Variants in HHLA1 observed in about 807,000 individuals in gnomAD.
The protein encoded by HHLA1 is HERV-H LTR-associating protein 1.
Under a neutral mutation model 69.9 loss-of-function variants are expected in HHLA1, and 72 were observed. That is an observed-to-expected ratio of 1.03 (90% CI 0.85 to 1.25). The LOEUF (loss-of-function observed/expected upper bound fraction) is 1.25. Among genes scored for constraint, HHLA1 ranks in the 50% most tolerant of loss-of-function variants. The probability of loss-of-function intolerance (pLI) is 0.00; values close to 1 mark genes in which losing one functional copy is unlikely to be tolerated. For missense variants in HHLA1, 685 were observed against 642.2 expected (o/e 1.07, Z -0.72); for synonymous variants, 252 against 233.2 (o/e 1.08, Z -0.73).
intron 13 of HHLA1, 55 bp from the exon 14 acceptor site, chr8:132,076,184 T>C: frequency 8.3e-7 from 1 of 1,201,036 alleles, no homozygotes; most frequent in Non-Finnish European, 1.2e-6. Flanking sequence ...CCTTAGGTGA[T>C]ACACACAGCA....
rs1210637851 is a variant in HHLA1 at position 132,095,761 on chromosome 8, C to G, written c.306G>C (p.Leu102=). Residue 102 remains leucine, a synonymous_variant, in exon 6 of 17, where the codon CTG becomes CTC. Coordinates refer to ENST00000414222, the MANE Select transcript of HHLA1 (RefSeq NM_001145095.3). ...LKDSKKFFSL[L]SVTSYSSFAF... ...CGAAGGAACTGTAGGAAGTGACACT[C>G]AGCAAGGAGAAGAACTTCTTGCTAT... 6.4e-7 allele frequency: 1 copy of G among 1,551,100 alleles called. No homozygotes were observed. Among genetic ancestry groups the G allele is most frequent in the Admixed American group, 2.0e-5 (1 of 50,922 alleles).
intron 11 of HHLA1, among the ~76,000 whole-genome samples, chr8:132,079,062 C>T (rs1188554151): frequency 6.6e-5 from 10 of 152,212 alleles, no homozygotes; most frequent in African/African-American, 2.2e-4. Flanking sequence ...AATGCTATCC[C>T]TAATGAGCTA....
intron 1 of HHLA1, among the ~76,000 whole-genome samples, chr8:132,109,094 G>A (rs538164582): frequency 5.9e-5 from 9 of 152,246 alleles, no homozygotes; most frequent in East Asian, 1.9e-4. Flanking sequence ...TGCAACCTCC[G>A]CCTCCTGGGT....
At chr8:132,110,507 G>A (rs1010392549) in intron 1 of HHLA1, among the ~76,000 whole-genome samples, 1 of 152,186 alleles carries the variant, frequency 6.6e-6, no homozygotes, top group Admixed American at 6.5e-5. Flanking sequence ...CATCTGATGT[G>A]CTAGGAGTTT....
intron 3 of HHLA1, among the ~76,000 whole-genome samples, chr8:132,101,654 A>G (rs34960439): frequency 0.029 from 4,338 of 151,650 alleles, 89 homozygotes; most frequent in South Asian, 0.062. Flanking sequence ...TCTCACTGCA[A>G]CCTCTGTCTC....
At chr8:132,110,383 C>T (rs1295847645) in intron 1 of HHLA1, among the ~76,000 whole-genome samples, 2 of 152,174 alleles carry the variant, frequency 1.3e-5, no homozygotes, top group Non-Finnish European at 2.9e-5. Flanking sequence ...CCCTGGACTT[C>T]AAACTTAGGT....
chr8:132,098,783 A>G (rs941928601), intron 5 of HHLA1, 99 bp downstream of exon 5: 11 of 706,038 alleles, frequency 1.6e-5, no homozygotes, highest in Non-Finnish European at 2.6e-5. Flanking sequence ...ACTGACACAC[A>G]GAAGTGAAGT....
At chr8:132,077,489 C>T (rs910980912) in intron 12 of HHLA1, among the ~76,000 whole-genome samples, 15 of 151,324 alleles carry the variant, frequency 9.9e-5, no homozygotes, top group South Asian at 2.1e-4. Context: ...TTGGGGAGTG[C>T]GATTACATAA....
intron 7 of HHLA1, among the ~76,000 whole-genome samples, chr8:132,093,516 T>A (rs944330936): frequency 1.3e-5 from 2 of 152,206 alleles, no homozygotes; most frequent in African/African-American, 4.8e-5. Flanking sequence ...AACGGCAAGT[T>A]GTTGGCCTAC....
intron 14 of HHLA1, 115 bp from the exon 15 acceptor site, chr8:132,071,608 G>T (rs1168543369): frequency 4.4e-6 from 4 of 918,062 alleles, no homozygotes; most frequent in Non-Finnish European, 6.6e-6. Flanking sequence ...GTAGCTCTGA[G>T]ACAGACAGGT....
intron 10 of HHLA1, among the ~76,000 whole-genome samples, chr8:132,087,019 C>T (rs1158084264): frequency 6.6e-6 from 1 of 152,198 alleles, no homozygotes; most frequent in Non-Finnish European, 1.5e-5. Flanking sequence ...AACTGTGTTG[C>T]AACCTGGAGT....
Position 132,079,909 on chromosome 8 carries a change from G to C in HHLA1, c.734C>G (p.Thr245Arg). The C allele has an allele frequency of 6.4e-7, 1 of 1,552,284 alleles. No homozygotes were observed. The highest frequency in any genetic ancestry group is 8.7e-7 in the Non-Finnish European group (1 of 1,147,112). Reference sequence around the variant, plus strand: ...GTGTCCGGGGCTTGTACTTGGTAGTGTTTTCTGGCTTTTGGTTGTGGGCTT... The same window carrying C: ...GTGTCCGGGGCTTGTACTTGGTAGTCTTTTCTGGCTTTTGGTTGTGGGCTT... ...TSKPTTKSQK[T>R]LPSTSPGHWT... is the part of the protein sequence containing the mutation. Residue 245 changes from threonine (T) to arginine (R), a missense_variant, in exon 11 of 17, where the codon ACA (threonine) becomes AGA (arginine). Coordinates refer to ENST00000414222, the MANE Select transcript of HHLA1 (RefSeq NM_001145095.3).
chr8:132,078,022 G>A lies in HHLA1; in HGVS notation c.926-51C>T, dbSNP rs543730363. 1.0e-5 allele frequency: 16 copies of A among 1,534,460 alleles called. 1 individual carries two copies. Among genetic ancestry groups the A allele is most frequent in the East Asian group, 9.9e-5 (4 of 40,534 alleles). ...GGGTACAGACATGCTTGACCACTTC[G>A]ATTCAGACATGAAATTGCTGAGACA... On this transcript the variant is annotated intron_variant, in intron 11 of 16. Coordinates refer to ENST00000414222, the MANE Select transcript of HHLA1 (RefSeq NM_001145095.3).
At chr8:132,084,093 A>G (rs2130887124) in intron 10 of HHLA1, among the ~76,000 whole-genome samples, 1 of 152,266 alleles carries the variant, frequency 6.6e-6, no homozygotes, top group East Asian at 1.9e-4. Context: ...GGATAAAGAA[A>G]AAGGAGCATT....
chr8:132,101,392 C>T (rs539582102), intron 3 of HHLA1: 49 of 1,344,660 alleles, frequency 3.6e-5, no homozygotes, highest in Non-Finnish European at 4.7e-5. Flanking sequence ...CTGAAATCCC[C>T]AAACTTGATT....
Position 132,076,462 on chromosome 8 carries a change from C to A in HHLA1, c.1240+13G>T. ...CCACCCCCAAACCCCCACTTCCGTACTGAGTTTCTCACCTGTTTGTGGATA... is the reference window on the plus strand; with the variant it reads ...CCACCCCCAAACCCCCACTTCCGTAATGAGTTTCTCACCTGTTTGTGGATA... On this transcript the variant is annotated intron_variant, in intron 13 of 16. Coordinates refer to ENST00000414222, the MANE Select transcript of HHLA1 (RefSeq NM_001145095.3). The A allele has an allele frequency of 1.0e-6, 1 of 974,990 alleles. No individual in the cohort carries two copies. The highest frequency in any genetic ancestry group is 1.5e-6 in the Non-Finnish European group (1 of 688,182). The allele number at this position is 974,990 out of a possible 1,614,324, so 60.4% of individuals were successfully genotyped here. A position where few individuals can be genotyped will look rare whatever the true frequency, so the allele number is the denominator to read the frequency against.
chr8:132,084,009 T>C (rs1823814026), intron 10 of HHLA1, among the ~76,000 whole-genome samples: 1 of 151,418 alleles, frequency 6.6e-6, no homozygotes, highest in African/African-American at 2.4e-5. Context: ...GTCTCAGGGT[T>C]GCTGCCAAAC....
At chr8:132,064,120 C>A in intron 16 of HHLA1, 82 bp from the exon 17 acceptor site, 1 of 867,034 alleles carries the variant, frequency 1.2e-6, no homozygotes, top group South Asian at 1.6e-5. Context: ...CCTGATGTCG[C>A]CAACAAGGGT....
intron 10 of HHLA1, among the ~76,000 whole-genome samples, chr8:132,083,386 A>T (rs1490853913): frequency 6.6e-6 from 1 of 151,846 alleles, no homozygotes; most frequent in African/African-American, 2.4e-5. Context: ...TGGAGTGGGT[A>T]GCCTCCGTAT....
Sources: allele counts gnomAD v4.1 joint callset (sites outside exome capture counted in the v4.1 genomes callset), GRCh38; gene constraint gnomAD v4.1.1; transcripts MANE v1.5; gene names NCBI Gene and HGNC (gene_info 2026-07-23, HGNC 2026-07-21).